The following PRTFDC1 variants were observed in gnomAD, a reference collection of about 807,000 sequenced individuals.
PRTFDC1 encodes the protein phosphoribosyl transferase domain containing 1, also known as phosphoribosyltransferase domain-containing protein 1.
A neutral mutation model predicts 34.6 loss-of-function variants in PRTFDC1; 38 were observed. The ratio of observed to expected loss-of-function variants is 1.10; its 90% CI spans 0.85 to 1.44. The LOEUF (loss-of-function observed/expected upper bound fraction) is 1.44, where lower values mean the gene tolerates loss of function less well. PRTFDC1 is among the 40% of genes most tolerant of loss of function. PRTFDC1 has a pLI of 0.00. For missense variants in PRTFDC1, 270 were observed against 283.0 expected (o/e 0.95, Z 0.33); for synonymous variants, 93 against 98.1 (o/e 0.95, Z 0.31).
At chr10:24,949,780 C>A (rs1006398824) in intron 1 of PRTFDC1, among the ~76,000 whole-genome samples, 1 of 149,990 alleles carries the variant, frequency 6.7e-6, no homozygotes, top group African/African-American at 2.5e-5. Context: ...ACTCTTGTTG[C>A]CTGGAGTGCA....
intron 3 of PRTFDC1, among the ~76,000 whole-genome samples, chr10:24,890,463 G>A (rs556515341): frequency 5.3e-5 from 8 of 152,314 alleles, no homozygotes; most frequent in Non-Finnish European, 7.4e-5. Flanking sequence ...CAAGGCACGT[G>A]GGTTGTCCAG....
intron 4 of PRTFDC1, chr10:24,868,029 G>A (rs1847812951): frequency 6.6e-6 from 1 of 152,072 alleles, no homozygotes; most frequent in African/African-American, 2.4e-5. Context: ...CTGACCTCAA[G>A]TGATCCACTC....
chr10:24,945,460 T>C (rs2132619719), intron 1 of PRTFDC1, among the ~76,000 whole-genome samples: 1 of 152,302 alleles, frequency 6.6e-6, no homozygotes, highest in East Asian at 1.9e-4. Flanking sequence ...ATATCATCTA[T>C]GTTATTTTTT....
At chr10:24,909,465 T>A (rs1848593616) in intron 3 of PRTFDC1, among the ~76,000 whole-genome samples, 1 of 152,222 alleles carries the variant, frequency 6.6e-6, no homozygotes, top group South Asian at 2.1e-4. Flanking sequence ...CTTTTAAGGA[T>A]GAGAATTGTA....
intron 2 of PRTFDC1, among the ~76,000 whole-genome samples, chr10:24,940,834 CG>C (rs1554766321): frequency 1.3e-5 from 2 of 152,076 alleles, no homozygotes; most frequent in Non-Finnish European, 2.9e-5. Flanking sequence ...GATTTTCTTA[CG>C]CAAAATGGCC....
chr10:24,855,425 A>G, intron 6 of PRTFDC1, 61 bp from the exon 7 acceptor site: 1 of 1,572,280 alleles, frequency 6.4e-7, no homozygotes, highest in Non-Finnish European at 8.7e-7. Context: ...TTGTAAATAG[A>G]ATCAAGCATC....
intron 3 of PRTFDC1, among the ~76,000 whole-genome samples, chr10:24,887,056 C>T (rs1344934521): frequency 6.8e-6 from 1 of 147,686 alleles, no homozygotes; most frequent in African/African-American, 2.5e-5. Context: ...CTGCAAGCTC[C>T]GCTTCCCGGG....
intron 3 of PRTFDC1, among the ~76,000 whole-genome samples, chr10:24,893,936 C>T (rs1848305334): frequency 6.6e-6 from 1 of 152,138 alleles, no homozygotes; most frequent in African/African-American, 2.4e-5. Context: ...CAGTTTGTCA[C>T]CTCATGACGT....
chr10:24,908,744 C>T, intron 3 of PRTFDC1: 3 of 1,506,974 alleles, frequency 2.0e-6, no homozygotes, highest in Non-Finnish European at 2.7e-6. Context: ...CCTAGCCAGC[C>T]CGATCAGCCT....
intron 1 of PRTFDC1, among the ~76,000 whole-genome samples, chr10:24,947,190 T>C (rs1444052271): frequency 6.6e-6 from 1 of 152,206 alleles, no homozygotes; most frequent in East Asian, 1.9e-4. Flanking sequence ...TCTCTAAAAC[T>C]GTTCTATAAT....
intron 2 of PRTFDC1, among the ~76,000 whole-genome samples, chr10:24,937,800 T>C (rs2132608942): frequency 6.6e-6 from 1 of 151,956 alleles, no homozygotes; most frequent in Non-Finnish European, 1.5e-5. Context: ...TCAGGTGACC[T>C]GGCCACCTTG....
chr10:24,893,214 G>A (rs1218183650), intron 3 of PRTFDC1, among the ~76,000 whole-genome samples: 1 of 152,048 alleles, frequency 6.6e-6, no homozygotes, highest in Admixed American at 6.6e-5. Flanking sequence ...AATTAGATAG[G>A]CATGTATAGT....
In PRTFDC1 at chr10:24,942,332, G is replaced by C. The variant is rs766055405; in HGVS notation, c.153C>G (p.Asp51Glu). 1.2e-6 allele frequency: 2 copies of C among 1,607,078 alleles called. No individual in the cohort carries two copies. The highest frequency in any genetic ancestry group is 1.3e-5 in the African/African-American group (1 of 74,732). The change falls in exon 2 of 9, where the codon GAC (aspartate) becomes GAG (glutamate). Residue 51 changes from aspartate to glutamate, a missense_variant and splice_region_variant. By Grantham distance (45) the Asp-to-Glu change is conservative. Coordinates refer to ENST00000320152, the MANE Select transcript of PRTFDC1 (RefSeq NM_020200.7). ...YVLIPHGIIVDRIERLAKDIM... is the reference protein window; with the variant it reads ...YVLIPHGIIVERIERLAKDIM... ...TTGACACAGGAAATCACACTCACCT[G>C]TCCACAATGATACCATGAGGGATGA...
chr10:24,852,699 T>C (rs1317842638), intron 7 of PRTFDC1, among the ~76,000 whole-genome samples: 1 of 152,248 alleles, frequency 6.6e-6, no homozygotes, highest in Non-Finnish European at 1.5e-5. Context: ...TTCAAACTTG[T>C]TTCAGTGTTT....
intron 3 of PRTFDC1, among the ~76,000 whole-genome samples, chr10:24,896,206 C>T (rs1300912915): frequency 1.3e-5 from 2 of 152,188 alleles, no homozygotes; most frequent in African/African-American, 4.8e-5. Context: ...GCATTACTGC[C>T]TGAGCTCTGC....
At chr10:24,890,296 G>C (rs2132537848) in intron 3 of PRTFDC1, among the ~76,000 whole-genome samples, 1 of 152,250 alleles carries the variant, frequency 6.6e-6, no homozygotes, top group Admixed American at 6.5e-5. Flanking sequence ...AAAATCACCT[G>C]GGGAAGGTGA....
intron 4 of PRTFDC1, among the ~76,000 whole-genome samples, chr10:24,866,549 T>TAATAGATA (rs927286796): frequency 6.6e-6 from 1 of 152,100 alleles, no homozygotes; most frequent in Non-Finnish European, 1.5e-5. Context: ...AATCTTACTT[T>TAATAGATA]AATAGATACA....
chr10:24,892,321 C>T (rs1003247534), intron 3 of PRTFDC1, among the ~76,000 whole-genome samples: 8 of 152,126 alleles, frequency 5.3e-5, no homozygotes, highest in Non-Finnish European at 1.2e-4. Flanking sequence ...GAGGAACCCC[C>T]ATACTGTTCG....
intron 3 of PRTFDC1, among the ~76,000 whole-genome samples, chr10:24,922,839 G>A (rs543643089): frequency 4.6e-5 from 7 of 152,312 alleles, no homozygotes; most frequent in African/African-American, 1.7e-4. Flanking sequence ...AGTGGGGTGG[G>A]GCATTGCCTC....
Sources: allele counts gnomAD v4.1 joint callset (sites outside exome capture counted in the v4.1 genomes callset), GRCh38; gene constraint gnomAD v4.1.1; transcripts MANE v1.5; gene names NCBI Gene and HGNC (gene_info 2026-07-23, HGNC 2026-07-21).